Variants in OPCML observed in about 807,000 individuals in gnomAD.
OPCML encodes the protein opioid binding protein/cell adhesion molecule like, also known as opioid-binding protein/cell adhesion molecule.
OPCML carries 13 observed loss-of-function variants against 37.8 expected under a neutral mutation model. The ratio of observed to expected loss-of-function variants is 0.34; its 90% CI spans 0.22 to 0.55. The LOEUF (loss-of-function observed/expected upper bound fraction) is 0.55, where lower values mean the gene tolerates loss of function less well. OPCML is among the 20% of genes least tolerant of loss of function. The pLI, the probability that OPCML is intolerant of heterozygous loss-of-function variation, is 0.91. For missense variants in OPCML, 341 were observed against 435.6 expected (o/e 0.78, Z 1.93); for synonymous variants, 176 against 168.8 (o/e 1.04, Z -0.33).
chr11:133,379,149 T>C (rs1218454244), intron 1 of OPCML, among the ~76,000 whole-genome samples: 1 of 152,126 alleles, frequency 6.6e-6, no homozygotes, highest in Non-Finnish European at 1.5e-5. Context: ...TCATAACCTA[T>C]CAATAATAAT....
intron 2 of OPCML, among the ~76,000 whole-genome samples, chr11:132,831,242 C>A (rs763893727): frequency 2.0e-5 from 3 of 152,172 alleles, no homozygotes; most frequent in African/African-American, 4.8e-5. Context: ...AACTCACTAT[C>A]GCCCAATGAA....
chr11:132,736,521 C>A (rs1234286446), intron 2 of OPCML, among the ~76,000 whole-genome samples: 1 of 152,174 alleles, frequency 6.6e-6, no homozygotes, highest in African/African-American at 2.4e-5. Context: ...AGAACCCTTC[C>A]ACACTGAATT....
chr11:132,719,335 G>A (rs1944599385), intron 2 of OPCML, among the ~76,000 whole-genome samples: 1 of 152,216 alleles, frequency 6.6e-6, no homozygotes, highest in Non-Finnish European at 1.5e-5. Flanking sequence ...TGGTGTTGGG[G>A]AGGGTATAAG....
At chr11:132,708,422 C>T (rs1349118310) in intron 2 of OPCML, among the ~76,000 whole-genome samples, 1 of 152,174 alleles carries the variant, frequency 6.6e-6, no homozygotes, top group Non-Finnish European at 1.5e-5. Context: ...AAGAAACTCT[C>T]AAATGTCAAT....
rs532339759 is a variant in OPCML at position 132,426,496 on chromosome 11, G to A, written c.917-6203C>T. ...ACTCTGTCACCCAGGCTGGAGCGCA[G>A]TGGCACGATCTCGGCTGAATCTGCC... On this transcript the variant is annotated intron_variant, in intron 7 of 7. Transcript: ENST00000524381. 2.6e-5 allele frequency among the ~76,000 whole-genome samples: 4 copies of A among 152,258 alleles called. No homozygotes were observed. In the East Asian group the frequency reaches 5.8e-4, roughly 22 times the overall value.
chr11:132,838,006 G>C (rs1318372754), intron 2 of OPCML, among the ~76,000 whole-genome samples: 1 of 152,150 alleles, frequency 6.6e-6, no homozygotes, highest in Non-Finnish European at 1.5e-5. Flanking sequence ...CTTATGATAT[G>C]TTTCTGGTTT....
chr11:132,821,323 G>T (rs138280624), intron 2 of OPCML, among the ~76,000 whole-genome samples: 2 of 152,146 alleles, frequency 1.3e-5, no homozygotes, highest in East Asian at 1.9e-4. Context: ...CAGAGCACAG[G>T]CTCCTTTCAA....
intron 2 of OPCML, among the ~76,000 whole-genome samples, chr11:132,798,948 A>G (rs973577504): frequency 3.3e-5 from 5 of 152,186 alleles, no homozygotes; most frequent in African/African-American, 9.7e-5. Flanking sequence ...TATGCAGTCA[A>G]TCGTACTGTA....
At chr11:132,445,561 A>T (rs1242249230) in intron 4 of OPCML, among the ~76,000 whole-genome samples, 2 of 152,166 alleles carry the variant, frequency 1.3e-5, no homozygotes, top group African/African-American at 4.8e-5. Context: ...CCTAAAATAG[A>T]TGTTCTCATC....
chr11:132,527,822 C>T (rs918426690), intron 4 of OPCML, among the ~76,000 whole-genome samples: 3 of 152,096 alleles, frequency 2.0e-5, no homozygotes, highest in African/African-American at 7.2e-5. Context: ...CGAAGTTACT[C>T]GTGTGGACAC....
intron 1 of OPCML, chr11:133,422,268 G>A (rs1437300093): frequency 1.8e-5 from 18 of 984,502 alleles, no homozygotes; most frequent in East Asian, 1.1e-4. Context: ...CAAGTGTGTC[G>A]TGGGACTCAC....
At chr11:132,592,619 C>T (rs922236959) in intron 3 of OPCML, among the ~76,000 whole-genome samples, 5 of 152,198 alleles carry the variant, frequency 3.3e-5, no homozygotes, top group Admixed American at 2.0e-4. Context: ...ACCTGCAGTG[C>T]AGGACCCTCC....
intron 1 of OPCML, among the ~76,000 whole-genome samples, chr11:133,445,077 A>G (rs1205926268): frequency 7.8e-6 from 1 of 127,978 alleles, no homozygotes; most frequent in East Asian, 2.1e-4. Flanking sequence ...AAGATCACCA[A>G]GAGACCACAG....
chr11:132,803,934 A>C (rs1345325031), intron 2 of OPCML, among the ~76,000 whole-genome samples: 1 of 152,234 alleles, frequency 6.6e-6, no homozygotes, highest in African/African-American at 2.4e-5. Flanking sequence ...CTTATTTAGG[A>C]TGCTTGCTAA....
intron 1 of OPCML, among the ~76,000 whole-genome samples, chr11:133,209,632 T>G (rs1263658293): frequency 6.6e-6 from 1 of 152,220 alleles, no homozygotes; most frequent in Non-Finnish European, 1.5e-5. Context: ...CGTTGCTTAC[T>G]CAGCTTGGTA....
chr11:133,025,383 C>T, intron 1 of OPCML: 2 of 985,134 alleles, frequency 2.0e-6, no homozygotes, highest in Non-Finnish European at 2.4e-6. Context: ...GGCTTGAAAC[C>T]AGTACTAGCC....
intron 2 of OPCML, among the ~76,000 whole-genome samples, chr11:132,872,669 T>C (rs149825621): frequency 1.2e-4 from 18 of 152,290 alleles, no homozygotes; most frequent in Non-Finnish European, 2.6e-4. Context: ...GTAAAAGATA[T>C]GAGACTCATG....
At chr11:132,955,658 C>T (rs546557693) in intron 1 of OPCML, among the ~76,000 whole-genome samples, 6 of 152,158 alleles carry the variant, frequency 3.9e-5, no homozygotes, top group East Asian at 3.9e-4. Context: ...TTGAGGCAGG[C>T]GGATCATGAG....
At chr11:132,851,646 C>G (rs1466749861) in intron 2 of OPCML, among the ~76,000 whole-genome samples, 1 of 152,184 alleles carries the variant, frequency 6.6e-6, no homozygotes, top group African/African-American at 2.4e-5. Context: ...AAAATATTTA[C>G]TAATCCAAGC....
Sources: gnomAD v4.1 joint callset for allele counts (sites outside exome capture counted in the v4.1 genomes callset) on GRCh38, gnomAD v4.1.1 for gene constraint, MANE v1.5 for transcripts, NCBI Gene and HGNC (gene_info 2026-07-23, HGNC 2026-07-21) for gene names.